PKP4: variants seen among roughly 807,000 people sequenced by gnomAD.
PKP4 encodes the protein plakophilin 4, also known as plakophilin-4.
A neutral mutation model predicts 145.1 loss-of-function variants in PKP4; 90 were observed. The ratio of observed to expected loss-of-function variants is 0.62; its 90% confidence interval spans 0.52 to 0.74. The LOEUF is 0.74. Among genes scored for constraint, PKP4 ranks in the 30% least tolerant of loss-of-function variants. The probability of loss-of-function intolerance (pLI) is 0.00; values close to 1 mark genes in which losing one functional copy is unlikely to be tolerated. For synonymous variants in PKP4, 563 were observed against 577.2 expected (o/e 0.98, Z 0.35); for missense variants, 1,340 against 1,482.7 (o/e 0.90, Z 1.58).
chr2:158,625,245 G>C lies in PKP4; in HGVS notation c.971G>C (p.Arg324Pro). The change falls in exon 7 of 22, where the codon CGA becomes CCA. Residue 324 changes from arginine to proline, a missense_variant. Physicochemically the swap from Arg to Pro is moderately radical, Grantham distance 103. Transcript: ENST00000389759. ...CTGACCCTGACGGATGCACAGACTCGAGTAGCTTCCCCATCCCAAGGCCAG... is the reference window on the plus strand; with the variant it reads ...CTGACCCTGACGGATGCACAGACTCCAGTAGCTTCCCCATCCCAAGGCCAG... ...SPLTLTDAQT[R>P]VASPSQGQVG... 2 of 1,614,158 alleles carry C rather than the reference G, an allele frequency of 1.2e-6. No individual in the cohort carries two copies. Among genetic ancestry groups the C allele is most frequent in the East Asian group, 2.2e-5 (1 of 44,886 alleles).
chr2:158,637,387 T>C (rs2053894031), intron 9 of PKP4, among the ~76,000 whole-genome samples: 1 of 152,124 alleles, frequency 6.6e-6, no homozygotes, highest in African/African-American at 2.4e-5. Context: ...CCACCAGACC[T>C]GTGCATGTGC....
chr2:158,525,716 T>A (rs1321443250), intron 1 of PKP4, among the ~76,000 whole-genome samples: 3 of 144,578 alleles, frequency 2.1e-5, no homozygotes, highest in Admixed American at 7.0e-5. Flanking sequence ...GAAAGGATCA[T>A]CAAAATTGAT....
intron 3 of PKP4, among the ~76,000 whole-genome samples, chr2:158,592,357 T>C (rs1014581390): frequency 1.3e-5 from 2 of 152,094 alleles, no homozygotes; most frequent in South Asian, 4.1e-4. Flanking sequence ...ACTGTTTCCT[T>C]ATGGGTCCAC....
chr2:158,604,440 A>G (rs2050483205), intron 4 of PKP4, among the ~76,000 whole-genome samples: 1 of 152,206 alleles, frequency 6.6e-6, no homozygotes, highest in South Asian at 2.1e-4. Flanking sequence ...TTATTTAAAC[A>G]TTTCTCAGAA....
intron 1 of PKP4, among the ~76,000 whole-genome samples, chr2:158,512,212 A>G (rs926688316): frequency 7.2e-5 from 11 of 152,252 alleles, no homozygotes; most frequent in South Asian, 2.1e-4. Flanking sequence ...AAACTCGTAT[A>G]TCTTGGTTCT....
At chr2:158,475,101 G>A (rs1692245223) in intron 1 of PKP4, among the ~76,000 whole-genome samples, 1 of 152,152 alleles carries the variant, frequency 6.6e-6, no homozygotes, top group Admixed American at 6.5e-5. Flanking sequence ...ATTAGCGATT[G>A]TGTTGTGTTT....
intron 4 of PKP4, among the ~76,000 whole-genome samples, chr2:158,607,679 C>G (rs2007493): frequency 0.37 from 56,492 of 151,882 alleles, 11,697 homozygotes; most frequent in East Asian, 0.58. Flanking sequence ...CCTGATTTCC[C>G]CATGCAATTT....
chr2:158,635,477 A>G lies in PKP4; in HGVS notation c.1562+1188A>G, dbSNP rs572686940. 3.6e-4 allele frequency among the ~76,000 whole-genome samples: 55 copies of G among 152,310 alleles called. 1 individual carries two copies. Among genetic ancestry groups the G allele is most frequent in the Admixed American group, 7.8e-4 (12 of 15,308 alleles). On this transcript the variant is annotated intron_variant, in intron 9 of 21. Coordinates refer to ENST00000389759, the MANE Select transcript of PKP4 (RefSeq NM_003628.6). ...AATGACAAAGACCTAAGGCACCCAA[A>G]TAGATGCAGAAATTCCCAAAAGAGT...
intron 1 of PKP4, among the ~76,000 whole-genome samples, chr2:158,496,413 A>G (rs1441659799): frequency 2.6e-5 from 4 of 152,176 alleles, no homozygotes; most frequent in African/African-American, 9.7e-5. Context: ...GAATTTATCG[A>G]TTCTGTGAAT....
chr2:158,528,506 G>C (rs1386655967), intron 1 of PKP4, among the ~76,000 whole-genome samples: 2 of 112,246 alleles, frequency 1.8e-5, no homozygotes, highest in South Asian at 8.5e-4. Context: ...GGGAGGGGGA[G>C]GGGTAGCATT....
intron 1 of PKP4, among the ~76,000 whole-genome samples, chr2:158,497,707 C>G (rs1695943417): frequency 6.6e-6 from 1 of 152,074 alleles, no homozygotes; most frequent in Non-Finnish European, 1.5e-5. Context: ...CTCAGTTTTG[C>G]CTTAAAGATT....
rs201257126 is a variant in PKP4, at chr2:158,634,190, G to A, written c.1463G>A (p.Arg488Gln). ...GAGCCCTACAGGCCTATACAATACC[G>A]AGTGCAAGAGTGCAATTATAACAGG... ...YAEPYRPIQY[R>Q]VQECNYNRLQ... The change falls in exon 9 of 22, where the codon CGA becomes CAA. Residue 488 changes from arginine (R) to glutamine (Q), a missense_variant. Arg to Gln is a conservative substitution (Grantham distance 43). Transcript: ENST00000389759. The A allele has an allele frequency of 9.3e-6, 15 of 1,613,840 alleles. No individual in the cohort carries two copies. Among genetic ancestry groups the A allele is most frequent in the South Asian group, 8.8e-5 (8 of 91,086 alleles).
intron 6 of PKP4, 142 bp downstream of exon 6, chr2:158,621,563 T>A (rs1012066612): frequency 3.1e-6 from 2 of 636,150 alleles, no homozygotes; most frequent in African/African-American, 3.7e-5. Context: ...CTGCCTAACA[T>A]GGCGAAACCC....
At chr2:158,522,386 G>A (rs180672519) in intron 1 of PKP4, among the ~76,000 whole-genome samples, 5 of 152,312 alleles carry the variant, frequency 3.3e-5, no homozygotes, top group Admixed American at 2.6e-4. Flanking sequence ...TATGTGGTCT[G>A]CAGCCTTGAG....
intron 2 of PKP4, chr2:158,548,726 C>T (rs1329523605): frequency 3.8e-6 from 1 of 264,560 alleles, no homozygotes; most frequent in South Asian, 5.1e-5. Flanking sequence ...TAAGCTGGCC[C>T]ATAAGTACTG....
At chr2:158,491,209 A>G (rs1694885317) in intron 1 of PKP4, among the ~76,000 whole-genome samples, 1 of 152,044 alleles carries the variant, frequency 6.6e-6, no homozygotes, top group Non-Finnish European at 1.5e-5. Flanking sequence ...CCTCCTCACC[A>G]TCGTAAAAAG....
At chr2:158,607,242 A>G (rs1203496701) in intron 4 of PKP4, among the ~76,000 whole-genome samples, 1 of 152,224 alleles carries the variant, frequency 6.6e-6, no homozygotes, top group African/African-American at 2.4e-5. Context: ...TCTAGAGAAT[A>G]TAGAAGTACA....
intron 1 of PKP4, among the ~76,000 whole-genome samples, chr2:158,509,155 T>G (rs925156263): frequency 2.0e-5 from 3 of 152,182 alleles, no homozygotes; most frequent in African/African-American, 7.2e-5. Context: ...TACTAATTTT[T>G]TGAGATTTGA....
intron 1 of PKP4, among the ~76,000 whole-genome samples, chr2:158,524,508 G>A: frequency 2.2e-5 from 2 of 91,134 alleles, no homozygotes; most frequent in African/African-American, 8.1e-5. Context: ...GGAACAACCG[G>A]TACCAGCCGC....
Sources: gnomAD v4.1 joint callset for allele counts (sites outside exome capture counted in the v4.1 genomes callset) on GRCh38, gnomAD v4.1.1 for gene constraint, MANE v1.5 for transcripts, NCBI Gene and HGNC (gene_info 2026-07-23, HGNC 2026-07-21) for gene names.